The following BRINP3 variants were observed in gnomAD, a reference collection of about 807,000 sequenced individuals.
BRINP3 encodes the protein BMP/retinoic acid-inducible neural-specific protein 3.
Under a neutral mutation model 71.0 loss-of-function variants are expected in BRINP3, and 19 were observed. That is an observed-to-expected ratio of 0.27 (90% CI 0.19 to 0.39). The LOEUF is 0.39. BRINP3 is among the 10% of genes least tolerant of loss of function. BRINP3 has a pLI of 1.00. For synonymous variants in BRINP3, 380 were observed against 337.7 expected, an observed-to-expected ratio of 1.13 and a Z score of -1.37; for missense variants, 959 against 940.8, an observed-to-expected ratio of 1.02 and a Z score of -0.25.
chr1:190,194,187 G>A (rs983012123), intron 6 of BRINP3, among the ~76,000 whole-genome samples: 2 of 151,992 alleles, frequency 1.3e-5, no homozygotes, highest in Non-Finnish European at 2.9e-5. Context: ...AAAGGAAGAC[G>A]CAACATGACC....
intron 4 of BRINP3, among the ~76,000 whole-genome samples, chr1:190,248,523 G>C (rs1240183740): frequency 6.6e-6 from 1 of 151,342 alleles, no homozygotes; most frequent in African/African-American, 2.4e-5. Flanking sequence ...CACCTACCCA[G>C]GGTACTTTCA....
In BRINP3 at chr1:190,249,577, A is replaced by T. The variant is rs188387288; in HGVS notation, c.619-15100T>A. Reference sequence around the variant, plus strand: ...TTAACTTAAGCAAAAATAGTAATATATTATGTCAAAAATATGATAATTTTA... The same window carrying T: ...TTAACTTAAGCAAAAATAGTAATATTTTATGTCAAAAATATGATAATTTTA... On this transcript the variant is annotated intron_variant, in intron 4 of 7. Transcript: ENST00000367462. Among the ~76,000 whole-genome samples the T allele has an allele frequency of 7.9e-5, 12 of 152,034 alleles. No homozygotes were observed. In the East Asian group the frequency reaches 2.3e-3, roughly 29 times the overall value.
intron 6 of BRINP3, among the ~76,000 whole-genome samples, chr1:190,176,442 A>T (rs2102517044): frequency 6.6e-6 from 1 of 152,212 alleles, no homozygotes; most frequent in East Asian, 1.9e-4. Flanking sequence ...TAAAGGACAC[A>T]AATGGGAGAT....
chr1:190,410,342 G>T (rs1672582258), intron 2 of BRINP3, among the ~76,000 whole-genome samples: 1 of 152,008 alleles, frequency 6.6e-6, no homozygotes. Flanking sequence ...TATGGAGACT[G>T]GGGGGAAAGG....
intron 7 of BRINP3, among the ~76,000 whole-genome samples, chr1:190,123,958 T>G (rs143599722): frequency 5.4e-4 from 83 of 152,310 alleles, no homozygotes; most frequent in African/African-American, 1.9e-3. Flanking sequence ...CTGTATATTA[T>G]CTGAATTGTC....
chr1:190,435,552 T>A (rs185705689), intron 2 of BRINP3, among the ~76,000 whole-genome samples: 16 of 152,164 alleles, frequency 1.1e-4, no homozygotes, highest in African/African-American at 3.8e-4. Flanking sequence ...TATTTTATAT[T>A]AATGTTTAAT....
At chr1:190,124,107 T>C (rs1453692563) in intron 7 of BRINP3, among the ~76,000 whole-genome samples, 1 of 152,174 alleles carries the variant, frequency 6.6e-6, no homozygotes, top group Non-Finnish European at 1.5e-5. Context: ...TGCAACAGTG[T>C]TGGGAGATGA....
chr1:190,311,902 A>G (rs1665547475), intron 2 of BRINP3, among the ~76,000 whole-genome samples: 1 of 150,388 alleles, frequency 6.6e-6, no homozygotes, highest in Non-Finnish European at 1.5e-5. Flanking sequence ...CCAGGAGAGT[A>G]AATACTCACA....
chr1:190,257,660 T>C (rs1336005918), intron 4 of BRINP3, among the ~76,000 whole-genome samples: 1 of 152,220 alleles, frequency 6.6e-6, no homozygotes, highest in Non-Finnish European at 1.5e-5. Context: ...GATGGGGTTT[T>C]GGTGTGGATT....
At chr1:190,353,810 C>A (rs1668554631) in intron 2 of BRINP3, among the ~76,000 whole-genome samples, 1 of 151,982 alleles carries the variant, frequency 6.6e-6, no homozygotes, top group South Asian at 2.1e-4. Context: ...CCATATTACA[C>A]CATCTCCACA....
intron 6 of BRINP3, among the ~76,000 whole-genome samples, chr1:190,206,967 GT>G (rs1180751534): frequency 1.9e-4 from 27 of 144,586 alleles, no homozygotes; most frequent in South Asian, 4.5e-4. Context: ...TCATGTTTGG[GT>G]TTTTTTTTTG....
At chr1:190,345,116 A>C (rs1274566426) in intron 2 of BRINP3, among the ~76,000 whole-genome samples, 1 of 151,854 alleles carries the variant, frequency 6.6e-6, no homozygotes, top group Non-Finnish European at 1.5e-5. Flanking sequence ...TCATGTATGC[A>C]CACCTTTAAT....
At chr1:190,354,549 T>C (rs145946964) in intron 2 of BRINP3, among the ~76,000 whole-genome samples, 71 of 152,122 alleles carry the variant, frequency 4.7e-4, no homozygotes, top group African/African-American at 1.7e-3. Flanking sequence ...AATTAAATAC[T>C]ACAGTGAACT....
At chr1:190,100,376 T>C (rs1285734461) in intron 7 of BRINP3, among the ~76,000 whole-genome samples, 1 of 152,202 alleles carries the variant, frequency 6.6e-6, no homozygotes, top group African/African-American at 2.4e-5. Context: ...TACTTATTTA[T>C]ATTGTTTTTC....
intron 7 of BRINP3, among the ~76,000 whole-genome samples, chr1:190,134,893 G>C (rs1654845372): frequency 6.6e-6 from 1 of 152,080 alleles, no homozygotes; most frequent in Non-Finnish European, 1.5e-5. Context: ...TCCAGAGGAG[G>C]CTGGGAAAAG....
At chr1:190,335,896 T>C (rs769267000) in intron 2 of BRINP3, among the ~76,000 whole-genome samples, 1 of 151,964 alleles carries the variant, frequency 6.6e-6, no homozygotes, top group Non-Finnish European at 1.5e-5. Context: ...TATAAAACCT[T>C]TTCTTCCTCT....
chr1:190,453,990 C>T (rs1162551626), intron 2 of BRINP3, among the ~76,000 whole-genome samples: 1 of 152,196 alleles, frequency 6.6e-6, no homozygotes, highest in Non-Finnish European at 1.5e-5. Flanking sequence ...CACTCTTCTA[C>T]TTAATGTATT....
intron 2 of BRINP3, among the ~76,000 whole-genome samples, chr1:190,444,253 A>AAAAAG (rs1328007460): frequency 6.7e-5 from 10 of 150,060 alleles, no homozygotes; most frequent in Non-Finnish European, 3.0e-5. Context: ...AAAAAAAAAA[A>AAAAAG]AAAAAAAAAA....
chr1:190,242,248 C>A (rs1258547585), intron 4 of BRINP3, among the ~76,000 whole-genome samples: 1 of 152,010 alleles, frequency 6.6e-6, no homozygotes, highest in African/African-American at 2.4e-5. Flanking sequence ...AGTGAAAATT[C>A]ACATAAAAAT....
Sources: gnomAD v4.1 joint callset for allele counts (sites outside exome capture counted in the v4.1 genomes callset) on GRCh38, gnomAD v4.1.1 for gene constraint, MANE v1.5 for transcripts, NCBI Gene and HGNC (gene_info 2026-07-23, HGNC 2026-07-21) for gene names.